DOCK2: variants seen among roughly 807,000 people sequenced by gnomAD.
DOCK2 encodes dedicator of cytokinesis protein 2.
A neutral mutation model predicts 248.9 loss-of-function variants in DOCK2; 87 were observed. The ratio of observed to expected loss-of-function variants is 0.35; its 90% confidence interval spans 0.29 to 0.42. DOCK2 has a LOEUF of 0.42. Ranked by LOEUF, DOCK2 falls within the 10% of genes least tolerant of loss-of-function variation. The pLI, the probability that DOCK2 is intolerant of heterozygous loss-of-function variation, is 1.00. For synonymous variants in DOCK2, 805 were observed against 821.6 expected (o/e 0.98, Z 0.35); for missense variants, 1,747 against 2,300.2 (o/e 0.76, Z 4.92).
intron 31 of DOCK2, 40 bp from the exon 32 acceptor site, chr5:170,008,648 C>T (rs764854793): frequency 6.2e-7 from 1 of 1,613,928 alleles, no homozygotes; most frequent in African/African-American, 1.3e-5. Context: ...ATGAGATCCT[C>T]TGAGATGGTG....
intron 27 of DOCK2, among the ~76,000 whole-genome samples, chr5:169,953,319 C>G (rs1776740379): frequency 7.5e-6 from 1 of 132,460 alleles, no homozygotes; most frequent in Non-Finnish European, 1.6e-5. Flanking sequence ...GGTGACAGAG[C>G]AAGACTCTAT....
At chr5:169,748,217 C>G (rs1763717269) in intron 23 of DOCK2, among the ~76,000 whole-genome samples, 1 of 151,320 alleles carries the variant, frequency 6.6e-6, no homozygotes. Flanking sequence ...ATTTAAAGAT[C>G]CATTATGCCT....
chr5:169,973,915 A>C (rs142916243), intron 27 of DOCK2, among the ~76,000 whole-genome samples: 63 of 152,336 alleles, frequency 4.1e-4, no homozygotes, highest in African/African-American at 1.2e-3. Context: ...TCCGTCCATC[A>C]TCCATTCCTC....
In DOCK2 at chr5:169,704,445, C is replaced by T. The variant is rs993540574; in HGVS notation, c.1383+2018C>T. On this transcript the variant is annotated intron_variant, in intron 14 of 51. Transcript: ENST00000520908. ...TCACCTTGGGGTGTCAAGGGCCTTGCTCAGGAGGGGTCATAGCAGAGAAGC... is the reference window on the plus strand; with the variant it reads ...TCACCTTGGGGTGTCAAGGGCCTTGTTCAGGAGGGGTCATAGCAGAGAAGC... 1.7e-4 allele frequency among the ~76,000 whole-genome samples: 25 copies of T among 147,932 alleles called. No homozygotes were observed. In the East Asian group the frequency reaches 4.3e-3, roughly 26 times the overall value.
intron 25 of DOCK2, among the ~76,000 whole-genome samples, chr5:169,791,594 A>C (rs774051041): frequency 6.6e-6 from 1 of 152,236 alleles, no homozygotes; most frequent in Non-Finnish European, 1.5e-5. Flanking sequence ...AGCTAGCAGA[A>C]TCTAGAAATT....
intron 1 of DOCK2, among the ~76,000 whole-genome samples, chr5:169,651,629 T>C: frequency 6.6e-6 from 1 of 152,192 alleles, no homozygotes. Flanking sequence ...TGCCAAGTCC[T>C]CAGGCAGACC....
chr5:169,829,198 A>T (rs1386933669), intron 26 of DOCK2, among the ~76,000 whole-genome samples: 2 of 152,114 alleles, frequency 1.3e-5, no homozygotes, highest in Admixed American at 1.3e-4. Context: ...GGCTTTCTGG[A>T]AAAATAGTTG....
intron 27 of DOCK2, among the ~76,000 whole-genome samples, chr5:169,882,239 C>G (rs979709956): frequency 3.1e-4 from 47 of 152,166 alleles, no homozygotes; most frequent in African/African-American, 9.7e-4. Context: ...TTTCCCCCAT[C>G]ATGTATCAAT....
At chr5:169,654,775 A>G (rs1052788819) in intron 2 of DOCK2, among the ~76,000 whole-genome samples, 2 of 152,204 alleles carry the variant, frequency 1.3e-5, no homozygotes, top group African/African-American at 4.8e-5. Context: ...GTTCTTTATT[A>G]GTATTAATAT....
chr5:170,009,110 G>A (rs1451101632), intron 32 of DOCK2, among the ~76,000 whole-genome samples: 5 of 152,010 alleles, frequency 3.3e-5, no homozygotes, highest in East Asian at 3.9e-4. Context: ...CCTGTATAGC[G>A]TGGTCCACAA....
intron 2 of DOCK2, among the ~76,000 whole-genome samples, chr5:169,657,427 C>T (rs1758184532): frequency 1.3e-5 from 2 of 152,076 alleles, no homozygotes; most frequent in South Asian, 4.1e-4. Flanking sequence ...ACTTCAAAAC[C>T]AAAATCCAGC....
At chr5:169,868,129 C>T (rs1279537818) in intron 27 of DOCK2, among the ~76,000 whole-genome samples, 1 of 152,192 alleles carries the variant, frequency 6.6e-6, no homozygotes, top group Non-Finnish European at 1.5e-5. Context: ...CAAAACATTC[C>T]ATCCATCATC....
At chr5:169,639,937 G>A (rs918490041) in intron 1 of DOCK2, among the ~76,000 whole-genome samples, 1 of 152,210 alleles carries the variant, frequency 6.6e-6, no homozygotes, top group Admixed American at 6.5e-5. Flanking sequence ...TCTCGAGGCT[G>A]GAAGTCTAAG....
At chr5:170,049,975 G>A (rs1043536656) in intron 40 of DOCK2, among the ~76,000 whole-genome samples, 9 of 152,346 alleles carry the variant, frequency 5.9e-5, no homozygotes, top group Middle Eastern at 6.8e-3. Flanking sequence ...TGAAACCTGA[G>A]TGAGTAATTA....
At chr5:169,721,885 G>C (rs913281044) in intron 22 of DOCK2, among the ~76,000 whole-genome samples, 1 of 152,178 alleles carries the variant, frequency 6.6e-6, no homozygotes, top group African/African-American at 2.4e-5. Flanking sequence ...CTTGTCCCTC[G>C]CTTCTTGTGT....
intron 26 of DOCK2, among the ~76,000 whole-genome samples, chr5:169,828,009 A>G (rs1768980622): frequency 6.6e-6 from 1 of 152,110 alleles, no homozygotes; most frequent in Admixed American, 6.6e-5. Flanking sequence ...GGAGGCAGTG[A>G]TTTTGCCAGC....
chr5:169,995,913 C>T (rs1025781812), intron 29 of DOCK2, among the ~76,000 whole-genome samples, 173 bp from the exon 30 acceptor site: 7 of 152,142 alleles, frequency 4.6e-5, no homozygotes, highest in Non-Finnish European at 1.5e-5. Flanking sequence ...GCAAACAGCC[C>T]CGAGTCTAGA....
At chr5:169,804,348 G>A (rs935400981) in intron 26 of DOCK2, among the ~76,000 whole-genome samples, 1 of 152,020 alleles carries the variant, frequency 6.6e-6, no homozygotes, top group African/African-American at 2.4e-5. Flanking sequence ...GACATACCCG[G>A]TGTGCGCTAG....
chr5:169,928,736 G>C (rs1033849129), intron 27 of DOCK2, among the ~76,000 whole-genome samples: 5 of 152,194 alleles, frequency 3.3e-5, no homozygotes, highest in African/African-American at 1.2e-4. Context: ...CCTTCATAGA[G>C]AACAGTTATA....
Sources: allele counts gnomAD v4.1 joint callset (sites outside exome capture counted in the v4.1 genomes callset), GRCh38; gene constraint gnomAD v4.1.1; transcripts MANE v1.5; gene names NCBI Gene and HGNC (gene_info 2026-07-23, HGNC 2026-07-21).